DLGAP1: variants seen among roughly 807,000 people sequenced by gnomAD.
The protein encoded by DLGAP1 is disks large-associated protein 1.
Under a neutral mutation model 90.8 loss-of-function variants are expected in DLGAP1, and 11 were observed. That is an observed-to-expected ratio of 0.12 (90% CI 0.08 to 0.20). DLGAP1 has a LOEUF of 0.20. Among genes scored for constraint, DLGAP1 ranks in the 10% least tolerant of loss-of-function variants. The pLI is 1.00. For missense variants in DLGAP1, 1,050 were observed against 1,333.8 expected, an observed-to-expected ratio of 0.79 and a Z score of 3.31; for synonymous variants, 558 against 540.7, an observed-to-expected ratio of 1.03 and a Z score of -0.44.
intron 1 of DLGAP1, among the ~76,000 whole-genome samples, chr18:4,428,959 G>T (rs557123093): frequency 7.9e-5 from 12 of 152,302 alleles, no homozygotes; most frequent in African/African-American, 2.2e-4. Context: ...AGCCGGGAGA[G>T]GCCATGCCAC....
chr18:3,697,829 G>A (rs1471278247), intron 7 of DLGAP1, among the ~76,000 whole-genome samples: 1 of 152,106 alleles, frequency 6.6e-6, no homozygotes, highest in Non-Finnish European at 1.5e-5. Flanking sequence ...AAGTCTCTTT[G>A]TAGGTCTCTA....
chr18:3,588,906 G>A (rs1224498619), intron 7 of DLGAP1, among the ~76,000 whole-genome samples: 1 of 152,246 alleles, frequency 6.6e-6, no homozygotes, highest in African/African-American at 2.4e-5. Flanking sequence ...AATGCGGCCA[G>A]GCGCGGTGGC....
chr18:4,121,872 G>C (rs1196071084), intron 2 of DLGAP1, among the ~76,000 whole-genome samples: 2 of 152,120 alleles, frequency 1.3e-5, no homozygotes, highest in Non-Finnish European at 2.9e-5. Flanking sequence ...CTGTGTGTCA[G>C]CTCCTCTAAG....
intron 5 of DLGAP1, among the ~76,000 whole-genome samples, chr18:3,811,746 G>A (rs2066854964): frequency 6.6e-6 from 1 of 152,194 alleles, no homozygotes; most frequent in African/African-American, 2.4e-5. Flanking sequence ...CAGGACGTTG[G>A]AGGAGGGTCA....
At chr18:4,041,124 T>C (rs1367437066) in intron 2 of DLGAP1, among the ~76,000 whole-genome samples, 3 of 152,228 alleles carry the variant, frequency 2.0e-5, no homozygotes. Flanking sequence ...GTTGGTGCCA[T>C]TACTTTTAAT....
chr18:3,498,890 G>A lies in DLGAP1; in HGVS notation c.*295C>T. The A allele has an allele frequency of 2.2e-6, 1 of 445,392 alleles. No individual in the cohort carries two copies. Among genetic ancestry groups the A allele is most frequent in the Non-Finnish European group, 4.0e-6 (1 of 251,174 alleles). The allele number at this position is 445,392 out of a possible 1,614,324, so 27.6% of individuals were successfully genotyped here. A position where few individuals can be genotyped will look rare whatever the true frequency, so the allele number is the denominator to read the frequency against. ...ACCTAAAGGCATCACTTCTACACAG[G>A]TGGGTTTGGCTTTGCCCAGAAAATA... On this transcript the variant is annotated 3_prime_UTR_variant, in exon 13 of 13. Coordinates refer to ENST00000315677, the MANE Select transcript of DLGAP1 (RefSeq NM_004746.4).
At chr18:4,194,591 T>C (rs985259116) in intron 1 of DLGAP1, among the ~76,000 whole-genome samples, 1 of 152,224 alleles carries the variant, frequency 6.6e-6, no homozygotes, top group African/African-American at 2.4e-5. Flanking sequence ...CTAGTGTTTT[T>C]ATTTAATATT....
intron 3 of DLGAP1, among the ~76,000 whole-genome samples, chr18:3,907,893 T>G (rs572297488): frequency 6.6e-6 from 1 of 152,160 alleles, no homozygotes; most frequent in Non-Finnish European, 1.5e-5. Flanking sequence ...GAATATTCAG[T>G]TTCATCAAAT....
chr18:4,200,016 G>C (rs959589410), intron 1 of DLGAP1, among the ~76,000 whole-genome samples: 7 of 152,008 alleles, frequency 4.6e-5, no homozygotes, highest in Admixed American at 4.6e-4. Context: ...TTTCCTTCCA[G>C]TCTGTTTCAT....
At chr18:3,945,976 T>C (rs1291251465) in intron 3 of DLGAP1, among the ~76,000 whole-genome samples, 2 of 152,198 alleles carry the variant, frequency 1.3e-5, no homozygotes, top group Admixed American at 1.3e-4. Flanking sequence ...CATTGGAACC[T>C]CATGTTCTAG....
Position 4,448,529 on chromosome 18 carries a change from A to G in DLGAP1, c.-267+6477T>C, listed in dbSNP as rs186782770. ...ATAAAGCACATGCAAATCTAGAGGA[A>G]TTATTATGCACCATAGTTTATAAAA... On this transcript the variant is annotated intron_variant, in intron 1 of 12. Transcript: ENST00000315677. Among the ~76,000 whole-genome samples the G allele has an allele frequency of 4.6e-5, 7 of 152,270 alleles. No individual in the cohort carries two copies. The East Asian group carries it at 1.2e-3, about 25-fold the overall frequency.
At chr18:4,235,321 A>C (rs1472901966) in intron 1 of DLGAP1, among the ~76,000 whole-genome samples, 1 of 152,192 alleles carries the variant, frequency 6.6e-6, no homozygotes, top group African/African-American at 2.4e-5. Context: ...AATGGAGAAA[A>C]CTGGGGAAGC....
At chr18:4,058,063 T>G (rs1411730382) in intron 2 of DLGAP1, among the ~76,000 whole-genome samples, 2 of 152,184 alleles carry the variant, frequency 1.3e-5, no homozygotes, top group African/African-American at 4.8e-5. Flanking sequence ...AGGAGGCTTA[T>G]GAGAGTAGTA....
chr18:4,147,228 A>G (rs1196448447), intron 2 of DLGAP1, among the ~76,000 whole-genome samples: 1 of 152,206 alleles, frequency 6.6e-6, no homozygotes. Context: ...CTGGTTTCAC[A>G]CAACCAGCGG....
At chr18:3,845,144 A>T in intron 4 of DLGAP1, 1 of 1,511,148 alleles carries the variant, frequency 6.6e-7, no homozygotes, top group South Asian at 1.2e-5. Context: ...CCAGTATGTT[A>T]AAAGAAAGAT....
At chr18:3,627,088 T>C (rs910119318) in intron 7 of DLGAP1, among the ~76,000 whole-genome samples, 1 of 152,156 alleles carries the variant, frequency 6.6e-6, no homozygotes, top group Non-Finnish European at 1.5e-5. Flanking sequence ...AAAGTACTGC[T>C]AACATTTTAT....
At chr18:3,681,201 A>C (rs2060501644) in intron 7 of DLGAP1, among the ~76,000 whole-genome samples, 1 of 152,202 alleles carries the variant, frequency 6.6e-6, no homozygotes, top group Non-Finnish European at 1.5e-5. Flanking sequence ...TGGACTTGAA[A>C]ACAGTACTGT....
At chr18:4,077,813 C>T (rs2075546578) in intron 2 of DLGAP1, among the ~76,000 whole-genome samples, 1 of 152,154 alleles carries the variant, frequency 6.6e-6, no homozygotes, top group South Asian at 2.1e-4. Context: ...TATACAGGCC[C>T]CAAATCCCTA....
At chr18:3,695,779 T>C (rs904927611) in intron 7 of DLGAP1, among the ~76,000 whole-genome samples, 1 of 152,238 alleles carries the variant, frequency 6.6e-6, no homozygotes, top group Admixed American at 6.5e-5. Flanking sequence ...ATTTAATCTA[T>C]AAATTACTTT....
Sources: allele counts gnomAD v4.1 joint callset (sites outside exome capture counted in the v4.1 genomes callset), GRCh38; gene constraint gnomAD v4.1.1; transcripts MANE v1.5; gene names NCBI Gene and HGNC (gene_info 2026-07-23, HGNC 2026-07-21).